The following MLLT3 variants were observed in gnomAD, a reference collection of about 807,000 sequenced individuals.
The protein encoded by MLLT3 is protein AF-9.
In MLLT3, 4 loss-of-function variants were observed where a neutral mutation model predicts 53.2. The observed-to-expected ratio is 0.08, with a 90% CI of 0.04 to 0.17. The LOEUF (loss-of-function observed/expected upper bound fraction) is 0.17. MLLT3 is among the 10% of genes least tolerant of loss of function. The probability of loss-of-function intolerance (pLI) is 1.00; values close to 1 mark genes in which losing one functional copy is unlikely to be tolerated. For synonymous variants in MLLT3, 283 were observed against 230.6 expected (o/e 1.23, Z -2.06); for missense variants, 569 against 684.0 (o/e 0.83, Z 1.87).
intron 2 of MLLT3, among the ~76,000 whole-genome samples, chr9:20,603,246 A>C (rs1478966891): frequency 6.6e-6 from 1 of 152,056 alleles, no homozygotes; most frequent in African/African-American, 2.4e-5. Context: ...CTATATAATA[A>C]GCCAACTCTT....
At chr9:20,407,208 T>C (rs969806081) in intron 5 of MLLT3, among the ~76,000 whole-genome samples, 1 of 152,324 alleles carries the variant, frequency 6.6e-6, no homozygotes, top group Admixed American at 6.5e-5. Flanking sequence ...TGTTATTTGG[T>C]GGCATCTTCT....
At chr9:20,614,254 C>T (rs953390220) in intron 2 of MLLT3, among the ~76,000 whole-genome samples, 52 of 152,058 alleles carry the variant, frequency 3.4e-4, no homozygotes, top group African/African-American at 1.2e-3. Flanking sequence ...ATTAGCCGGG[C>T]GTGGTGGCGC....
Position 20,422,409 on chromosome 9 carries a change from T to G in MLLT3, c.421-7984A>C, listed in dbSNP as rs562989216. Among the ~76,000 whole-genome samples the G allele has an allele frequency of 2.1e-4, 32 of 152,258 alleles. No homozygotes were observed. The South Asian group carries it at 6.6e-3, about 32-fold the overall frequency. Reference sequence around the variant, plus strand: ...ACCTGACCAGGGAAGAGCAGCAGTTTTACAAAACTAAAGAATTACATCCTT... The same window carrying G: ...ACCTGACCAGGGAAGAGCAGCAGTTGTACAAAACTAAAGAATTACATCCTT... On this transcript the variant is annotated intron_variant, in intron 4 of 10. Coordinates refer to ENST00000380338, the MANE Select transcript of MLLT3 (RefSeq NM_004529.4).
At chr9:20,551,291 A>T (rs1478602186) in intron 2 of MLLT3, among the ~76,000 whole-genome samples, 2 of 152,218 alleles carry the variant, frequency 1.3e-5, no homozygotes, top group Non-Finnish European at 2.9e-5. Flanking sequence ...TAACTCACTG[A>T]GCTGCTTTTT....
chr9:20,414,789 A>T (rs16938061), intron 4 of MLLT3, among the ~76,000 whole-genome samples: 27,728 of 152,102 alleles, frequency 0.18, 6,328 homozygotes, highest in African/African-American at 0.53. Context: ...TGATTGATAG[A>T]TGTTGACAAC....
Position 20,511,949 on chromosome 9 carries a change from C to T in MLLT3, c.194-55163G>A, listed in dbSNP as rs1563794609. 2.0e-5 allele frequency among the ~76,000 whole-genome samples: 3 copies of T among 152,206 alleles called. No homozygotes were observed. In the South Asian group the frequency reaches 6.2e-4, roughly 32 times the overall value. ...CAGCCTCAGAATTGCATTACCAGTACAGAGTTCTAAAATAGAAGAAGCCCA... is the reference window on the plus strand; with the variant it reads ...CAGCCTCAGAATTGCATTACCAGTATAGAGTTCTAAAATAGAAGAAGCCCA... On this transcript the variant is annotated intron_variant, in intron 2 of 10. Transcript: ENST00000380338.
In MLLT3 at chr9:20,342,890, A is replaced by G. The variant is rs1372178199; in HGVS notation, c.*3553T>C. 5.5e-6 allele frequency: 1 copy of G among 182,498 alleles called. No homozygotes were observed. Among genetic ancestry groups the G allele is most frequent in the Non-Finnish European group, 1.1e-5 (1 of 87,032 alleles). 11.3% of individuals were successfully genotyped at this position (182,498 alleles called of 1,614,324 possible). On this transcript the variant is annotated 3_prime_UTR_variant, in exon 11 of 11. Coordinates refer to ENST00000380338, the MANE Select transcript of MLLT3 (RefSeq NM_004529.4). The stretch of plus-strand genomic sequence containing the variant: ...TAGGAGCAGTACATAGCATTAGTAC[A>G]CAAAACGCTAAAGGTGGAAAGTAAT...
intron 2 of MLLT3, among the ~76,000 whole-genome samples, chr9:20,616,637 G>A (rs923107730): frequency 4.6e-5 from 7 of 152,070 alleles, no homozygotes; most frequent in Admixed American, 4.6e-4. Flanking sequence ...ATCTGCACAA[G>A]CACTTTTTTG....
intron 5 of MLLT3, among the ~76,000 whole-genome samples, chr9:20,387,969 G>T (rs1009501427): frequency 6.6e-6 from 1 of 152,176 alleles, no homozygotes; most frequent in Non-Finnish European, 1.5e-5. Flanking sequence ...GAGAGTGGGG[G>T]TTAACATCAC....
intron 2 of MLLT3, among the ~76,000 whole-genome samples, chr9:20,512,080 C>G (rs1817766896): frequency 6.6e-6 from 1 of 152,188 alleles, no homozygotes. Context: ...TCTTCATGCA[C>G]TTAACCTAGC....
intron 2 of MLLT3, among the ~76,000 whole-genome samples, chr9:20,527,558 G>A (rs999018638): frequency 6.6e-6 from 1 of 152,154 alleles, no homozygotes; most frequent in African/African-American, 2.4e-5. Flanking sequence ...AGTGGAATTA[G>A]CCTAAGCACT....
Position 20,342,505 on chromosome 9 carries a change from A to G in MLLT3, c.*3938T>C, listed in dbSNP as rs901739857. The G allele has an allele frequency of 4.5e-6, 1 of 222,106 alleles. No homozygotes were observed. Among genetic ancestry groups the G allele is most frequent in the Non-Finnish European group, 9.0e-6 (1 of 111,174 alleles). The allele number at this position is 222,106 out of a possible 1,614,324, so 13.8% of individuals were successfully genotyped here. On this transcript the variant is annotated 3_prime_UTR_variant, in exon 11 of 11. Coordinates refer to ENST00000380338, the MANE Select transcript of MLLT3 (RefSeq NM_004529.4). ...TGGCCACCATTAAGGATCTGTCAGCATTTCCATCATAACTCTATTTTCAGA... is the reference window on the plus strand; with the variant it reads ...TGGCCACCATTAAGGATCTGTCAGCGTTTCCATCATAACTCTATTTTCAGA...
intron 4 of MLLT3, among the ~76,000 whole-genome samples, chr9:20,440,176 T>C (rs889418957): frequency 2.0e-5 from 3 of 152,186 alleles, no homozygotes; most frequent in Non-Finnish European, 2.9e-5. Flanking sequence ...TATTTTAGAT[T>C]TATACAAACC....
In MLLT3 at chr9:20,343,980, G is replaced by A. The variant is rs567682722; in HGVS notation, c.*2463C>T. 1.2e-3 allele frequency: 244 copies of A among 201,830 alleles called. 1 individual carries two copies. Among genetic ancestry groups the A allele is most frequent in the African/African-American group, 4.6e-3 (200 of 43,722 alleles). The allele number at this position is 201,830 out of a possible 1,614,324, so 12.5% of individuals were successfully genotyped here. ...AGATTACCACTTCAAAAAAAATAAC[G>A]TAACTCTCAGTCTTAATTTTGTGAA... On this transcript the variant is annotated 3_prime_UTR_variant, in exon 11 of 11. Transcript: ENST00000380338.
At chr9:20,386,456 G>A (rs569920673) in intron 5 of MLLT3, among the ~76,000 whole-genome samples, 11 of 152,330 alleles carry the variant, frequency 7.2e-5, no homozygotes, top group African/African-American at 2.4e-4. Context: ...CGTGGCTGTA[G>A]CTTTGCTAAA....
At chr9:20,593,341 T>C (rs1820174325) in intron 2 of MLLT3, among the ~76,000 whole-genome samples, 1 of 152,186 alleles carries the variant, frequency 6.6e-6, no homozygotes, top group Admixed American at 6.5e-5. Flanking sequence ...GAGAGGAATG[T>C]ACACAAACTT....
In MLLT3 at chr9:20,342,943, G is replaced by A. The variant is rs933146962; in HGVS notation, c.*3500C>T. The A allele has an allele frequency of 9.0e-5, 17 of 189,272 alleles. No homozygotes were observed. Among genetic ancestry groups the A allele is most frequent in the Non-Finnish European group, 1.6e-4 (15 of 91,032 alleles). 11.7% of individuals were successfully genotyped at this position (189,272 alleles called of 1,614,324 possible). ...GCATACAGCAAATTACTCCAGAGCA[G>A]ATCACTTCTACAGTGACAAAAATAA... On this transcript the variant is annotated 3_prime_UTR_variant, in exon 11 of 11. Coordinates refer to ENST00000380338, the MANE Select transcript of MLLT3 (RefSeq NM_004529.4).
intron 2 of MLLT3, among the ~76,000 whole-genome samples, chr9:20,498,600 A>G (rs967356469): frequency 6.6e-6 from 1 of 152,192 alleles, no homozygotes; most frequent in Admixed American, 6.5e-5. Context: ...ACAAATTTGT[A>G]AACTTTCTTA....
At chr9:20,525,010 T>C (rs908518665) in intron 2 of MLLT3, among the ~76,000 whole-genome samples, 3 of 148,530 alleles carry the variant, frequency 2.0e-5, no homozygotes, top group African/African-American at 7.5e-5. Flanking sequence ...CTTGGCCCAG[T>C]GAGGGTAGAG....
Sources: gnomAD v4.1 joint callset for allele counts (sites outside exome capture counted in the v4.1 genomes callset) on GRCh38, gnomAD v4.1.1 for gene constraint, MANE v1.5 for transcripts, NCBI Gene and HGNC (gene_info 2026-07-23, HGNC 2026-07-21) for gene names.